SNRPN: variants seen among roughly 807,000 people sequenced by gnomAD.
The protein encoded by SNRPN is small nuclear ribonucleoprotein polypeptide N.
Under a neutral mutation model 25.2 loss-of-function variants are expected in SNRPN, and 7 were observed. That is an observed-to-expected ratio of 0.28 (90% CI 0.16 to 0.52). The LOEUF is 0.52. Ranked by LOEUF, SNRPN falls within the 20% of genes least tolerant of loss-of-function variation. The pLI, the probability that SNRPN is intolerant of heterozygous loss-of-function variation, is 0.96. For synonymous variants in SNRPN, 124 were observed against 110.6 expected (o/e 1.12, Z -0.76); for missense variants, 196 against 322.5 (o/e 0.61, Z 3.00).
chr15:24,934,419 GT>G (rs1231598319), intron 3 of SNRPN, among the ~76,000 whole-genome samples: 2 of 152,188 alleles, frequency 1.3e-5, no homozygotes, highest in Non-Finnish European at 2.9e-5. Flanking sequence ...ATGCCCACTT[GT>G]TTACATATTG....
chr15:24,843,703 C>G (rs1469970176), intron 2 of SNRPN, among the ~76,000 whole-genome samples: 1 of 152,040 alleles, frequency 6.6e-6, no homozygotes, highest in Non-Finnish European at 1.5e-5. Context: ...AGGAGAGTCA[C>G]TTGAACCCAC....
intron 3 of SNRPN, among the ~76,000 whole-genome samples, chr15:24,972,125 G>A (rs1248359940): frequency 4.6e-5 from 7 of 151,732 alleles, no homozygotes; most frequent in African/African-American, 1.5e-4. Context: ...GTGTGGTGGC[G>A]GGCGCCTGTA....
intron 2 of SNRPN, chr15:24,966,921 C>G (rs220032): frequency 6.6e-6 from 1 of 152,152 alleles, no homozygotes; most frequent in Non-Finnish European, 1.5e-5. Flanking sequence ...GTTACTGATT[C>G]ATAGGGGTAT....
chr15:24,857,407 A>C (rs918173759), intron 1 of SNRPN, among the ~76,000 whole-genome samples: 1 of 152,058 alleles, frequency 6.6e-6, no homozygotes, highest in African/African-American at 2.4e-5. Context: ...AATGATTAAT[A>C]TTTTGGGTTT....
rs73354127 is a variant in SNRPN, at chr15:24,917,435, C to T, written c.-504-2576C>T. Among the ~76,000 whole-genome samples the T allele has an allele frequency of 7.9e-3, 1,198 of 152,232 alleles. 26 individuals are homozygous for T. The highest frequency in any genetic ancestry group is 0.027 in the African/African-American group (1,109 of 41,542). On this transcript the variant is annotated intron_variant, in intron 2 of 11. Transcript: ENST00000400097. ...CCTGAAGAGGAGAATTTAGTAATTT[C>T]GAAGTATTTTTTGAGGCTAGGGAAG...
At chr15:24,859,779 A>G (rs1260349182) in intron 1 of SNRPN, among the ~76,000 whole-genome samples, 1 of 152,214 alleles carries the variant, frequency 6.6e-6, no homozygotes, top group Non-Finnish European at 1.5e-5. Context: ...TATTGATTAT[A>G]TGCTAAACCA....
At chr15:24,892,692 G>T (rs1482632362) in intron 2 of SNRPN, among the ~76,000 whole-genome samples, 3 of 151,784 alleles carry the variant, frequency 2.0e-5, no homozygotes, top group African/African-American at 7.3e-5. Flanking sequence ...AGCCAAGATA[G>T]CACCACTGTA....
chr15:24,834,751 C>CTCTCTCTCTATATATATATATATA, intron 2 of SNRPN, among the ~76,000 whole-genome samples: 5 of 60,950 alleles, frequency 8.2e-5, no homozygotes, highest in Admixed American at 2.1e-4. Flanking sequence ...CTCTCTCTCT[C>CTCTCTCTCTATATATATATATATA]TATATATATA....
In SNRPN at chr15:24,978,136, TTC is replaced by T. The variant is rs543079112; in HGVS notation, c.560-55_560-54del. On this transcript the variant is annotated intron_variant, in intron 8 of 9. Coordinates refer to ENST00000390687, the MANE Select transcript of SNRPN (RefSeq NM_003097.6). ...TTCTTTAGGGATTATTTGGGCTAAA[TTC>T]TAACTTTTCTAAGCCATTTTATGAG... 5 of 1,570,296 alleles carry T rather than the reference TTC, an allele frequency of 3.2e-6. No homozygotes were observed. In the South Asian group the frequency reaches 5.6e-5, roughly 18 times the overall value.
intron 2 of SNRPN, among the ~76,000 whole-genome samples, chr15:24,918,498 GTA>G (rs2059715241): frequency 1.4e-5 from 1 of 73,906 alleles, no homozygotes; most frequent in Non-Finnish European, 2.6e-5. Context: ...ATATATGTGT[GTA>G]TATATAACAT....
chr15:24,968,041 C>A lies in SNRPN; in HGVS notation c.-185C>A. On this transcript the variant is annotated 5_prime_UTR_variant, in exon 3 of 10. Transcript: ENST00000390687. ...TGAGACACCAAGAGGTGGTTAAAGCCATATTGGAGTAGCGAGGAATCTGAT... is the reference window on the plus strand; with the variant it reads ...TGAGACACCAAGAGGTGGTTAAAGCAATATTGGAGTAGCGAGGAATCTGAT... The A allele has an allele frequency of 6.2e-7, 1 of 1,613,234 alleles. No individual in the cohort carries two copies. The highest frequency in any genetic ancestry group is 8.5e-7 in the Non-Finnish European group (1 of 1,179,404).
At position 24,881,604 on chromosome 15, in the gene SNRPN, A is replaced by G. The variant is rs867932549; in HGVS notation, c.-578-4912A>G. ...GGGAGGGAGAGAGAGAGAGAGAGAGAGAGAGAGAGAGAGAGAAAGTCACAG... is the reference window on the plus strand; with the variant it reads ...GGGAGGGAGAGAGAGAGAGAGAGAGGGAGAGAGAGAGAGAGAAAGTCACAG... On this transcript the variant is annotated intron_variant, in intron 1 of 11. Transcript: ENST00000400097. Among the ~76,000 whole-genome samples the G allele has an allele frequency of 7.5e-3, 514 of 68,406 alleles. 5 individuals are homozygous for G. The highest frequency in any genetic ancestry group is 0.028 in the African/African-American group (487 of 17,300). 44.9% of individuals were successfully genotyped at this position (68,406 alleles called of 152,430 possible).
intron 1 of SNRPN, among the ~76,000 whole-genome samples, chr15:24,875,252 T>C (rs545412358): frequency 6.6e-6 from 1 of 152,294 alleles, no homozygotes; most frequent in African/African-American, 2.4e-5. Context: ...CAAGTTCCAG[T>C]TGTGAATCTG....
chr15:24,939,068 G>A (rs1042065768), intron 3 of SNRPN, among the ~76,000 whole-genome samples: 1 of 152,108 alleles, frequency 6.6e-6, no homozygotes, highest in African/African-American at 2.4e-5. Flanking sequence ...GGTGATGAAC[G>A]GATCCCAAAT....
chr15:24,889,747 G>T (rs1178582887), intron 2 of SNRPN, among the ~76,000 whole-genome samples: 1 of 151,748 alleles, frequency 6.6e-6, no homozygotes, highest in African/African-American at 2.4e-5. Flanking sequence ...GTAGTGCAGG[G>T]GGTCAGAATA....
chr15:24,967,890 A>G, intron 2 of SNRPN, 42 bp from the exon 3 acceptor site: 4 of 1,535,446 alleles, frequency 2.6e-6, no homozygotes, highest in Non-Finnish European at 3.6e-6. Context: ...TATAAAGACA[A>G]ATGTATTTTT....
At chr15:24,920,205 CCT>C (rs566414288) in intron 3 of SNRPN, 14 of 152,138 alleles carry the variant, frequency 9.2e-5, no homozygotes, top group Non-Finnish European at 2.1e-4. Flanking sequence ...TCTGTGACCT[CCT>C]CTGTTATAAA....
At chr15:24,837,306 C>A (rs542493987) in intron 2 of SNRPN, among the ~76,000 whole-genome samples, 1 of 151,552 alleles carries the variant, frequency 6.6e-6, no homozygotes, top group African/African-American at 2.4e-5. Context: ...TTATGCAGAG[C>A]GAGTAAATGG....
intron 1 of SNRPN, among the ~76,000 whole-genome samples, chr15:24,884,090 T>C (rs978464639): frequency 2.7e-5 from 4 of 145,758 alleles, no homozygotes; most frequent in African/African-American, 1.0e-4. Context: ...AGCAGGAAGA[T>C]TGCTTGAGCT....
Sources: allele counts gnomAD v4.1 joint callset (sites outside exome capture counted in the v4.1 genomes callset), GRCh38; gene constraint gnomAD v4.1.1; transcripts MANE v1.5; gene names NCBI Gene and HGNC (gene_info 2026-07-23, HGNC 2026-07-21).